Variants in ASAP1 observed in about 807,000 individuals in gnomAD.
The protein encoded by ASAP1 is ArfGAP with SH3 domain, ankyrin repeat and PH domain 1.
Under a neutral mutation model 145.2 loss-of-function variants are expected in ASAP1, and 43 were observed. The observed-to-expected ratio is 0.30, with a 90% CI of 0.23 to 0.38. ASAP1 has a LOEUF of 0.38. Ranked by LOEUF, ASAP1 falls within the 10% of genes least tolerant of loss-of-function variation. The pLI is 1.00. For missense variants in ASAP1, 1,018 were observed against 1,355.3 expected (o/e 0.75, Z 3.91); for synonymous variants, 546 against 515.5 (o/e 1.06, Z -0.80).
chr8:130,424,623 C>T (rs1829845078), intron 1 of ASAP1, among the ~76,000 whole-genome samples: 1 of 152,132 alleles, frequency 6.6e-6, no homozygotes, highest in Non-Finnish European at 1.5e-5. Context: ...GGACCAGGTG[C>T]ATTCATTCAT....
chr8:130,284,877 A>C (rs1472458207), intron 3 of ASAP1, among the ~76,000 whole-genome samples: 1 of 147,426 alleles, frequency 6.8e-6, no homozygotes, highest in Non-Finnish European at 1.5e-5. Context: ...ACACACACAC[A>C]CACCATACTG....
intron 28 of ASAP1, among the ~76,000 whole-genome samples, chr8:130,059,487 G>A (rs546112603): frequency 1.3e-5 from 2 of 152,068 alleles, no homozygotes; most frequent in African/African-American, 4.8e-5. Context: ...TTTTGAGACA[G>A]GGTCTTGCTC....
At chr8:130,207,185 T>C (rs1435403732) in intron 5 of ASAP1, among the ~76,000 whole-genome samples, 1 of 152,102 alleles carries the variant, frequency 6.6e-6, no homozygotes, top group East Asian at 1.9e-4. Flanking sequence ...AGGAATGGAA[T>C]CTATAAAGGC....
At chr8:130,142,008 G>A (rs556115695) in intron 13 of ASAP1, among the ~76,000 whole-genome samples, 4 of 152,188 alleles carry the variant, frequency 2.6e-5, no homozygotes, top group South Asian at 2.1e-4. Flanking sequence ...ATGTACCACC[G>A]TGCCCAGCCC....
At chr8:130,406,445 A>G (rs1483192631) in intron 1 of ASAP1, among the ~76,000 whole-genome samples, 1 of 151,294 alleles carries the variant, frequency 6.6e-6, no homozygotes, top group Admixed American at 6.6e-5. Context: ...TGAATCTTTG[A>G]TGAGTTATTT....
At chr8:130,210,752 A>T (rs1282690608) in intron 5 of ASAP1, among the ~76,000 whole-genome samples, 1 of 152,176 alleles carries the variant, frequency 6.6e-6, no homozygotes, top group African/African-American at 2.4e-5. Context: ...CCCTAATTGC[A>T]CCATTTTGCA....
At chr8:130,117,019 A>G (rs2097557361) in intron 20 of ASAP1, 24 bp from the exon 21 acceptor site, 1 of 1,532,136 alleles carries the variant, frequency 6.5e-7, no homozygotes, top group Non-Finnish European at 8.9e-7. Context: ...TGATGATTAG[A>G]AAAAAATGAC....
intron 1 of ASAP1, among the ~76,000 whole-genome samples, chr8:130,410,196 A>G (rs1829204946): frequency 6.6e-6 from 1 of 152,270 alleles, no homozygotes; most frequent in Non-Finnish European, 1.5e-5. Context: ...AGCAAAATAG[A>G]CGTGGTCTCT....
intron 1 of ASAP1, among the ~76,000 whole-genome samples, chr8:130,423,932 A>AAT (rs1358532783): frequency 6.6e-6 from 1 of 152,102 alleles, no homozygotes; most frequent in Non-Finnish European, 1.5e-5. Flanking sequence ...GGTGACTGCT[A>AAT]ATGAGTATGG....
At chr8:130,129,427 A>G (rs1192892283) in intron 15 of ASAP1, among the ~76,000 whole-genome samples, 6 of 152,252 alleles carry the variant, frequency 3.9e-5, no homozygotes, top group South Asian at 2.1e-4. Flanking sequence ...GTGCCTTTCT[A>G]TAATTTTTCA....
chr8:130,122,023 C>A (rs940968990), intron 18 of ASAP1, among the ~76,000 whole-genome samples: 1 of 152,050 alleles, frequency 6.6e-6, no homozygotes, highest in Non-Finnish European at 1.5e-5. Flanking sequence ...TGCCTTACTG[C>A]CCCTTGGGGC....
At chr8:130,271,235 C>A (rs1820566762) in intron 3 of ASAP1, among the ~76,000 whole-genome samples, 1 of 152,156 alleles carries the variant, frequency 6.6e-6, no homozygotes, top group Admixed American at 6.5e-5. Context: ...GCCTTAGACC[C>A]AGAGGAAAGG....
chr8:130,265,102 T>C (rs1476692217), intron 3 of ASAP1, among the ~76,000 whole-genome samples: 1 of 152,208 alleles, frequency 6.6e-6, no homozygotes, highest in East Asian at 1.9e-4. Flanking sequence ...AAAGGGCTGC[T>C]GGCAGCTTTA....
At chr8:130,092,626 A>G (rs191796562) in intron 24 of ASAP1, among the ~76,000 whole-genome samples, 8 of 152,284 alleles carry the variant, frequency 5.3e-5, no homozygotes. Flanking sequence ...AATTTACAAC[A>G]AAGGTAAGAA....
At chr8:130,332,605 T>A (rs890932249) in intron 3 of ASAP1, among the ~76,000 whole-genome samples, 3 of 152,200 alleles carry the variant, frequency 2.0e-5, no homozygotes, top group Non-Finnish European at 4.4e-5. Flanking sequence ...GCAAAACAAC[T>A]TTTCGTTTTC....
chr8:130,153,363 A>ATATG (rs2097651505), intron 12 of ASAP1, among the ~76,000 whole-genome samples: 1 of 87,206 alleles, frequency 1.1e-5, no homozygotes, highest in African/African-American at 4.5e-5. Context: ...ATATATGTAT[A>ATATG]TATATATATA....
chr8:130,226,513 T>C (rs1014107164), intron 4 of ASAP1, among the ~76,000 whole-genome samples: 1 of 152,208 alleles, frequency 6.6e-6, no homozygotes, highest in African/African-American at 2.4e-5. Flanking sequence ...ACTGCTTTCC[T>C]CCATGCCACT....
intron 27 of ASAP1, among the ~76,000 whole-genome samples, chr8:130,066,794 A>G (rs2135136123): frequency 6.6e-6 from 1 of 152,352 alleles, no homozygotes. Flanking sequence ...TCAGAGGGCC[A>G]TAAGAGTCCC....
chr8:130,055,917 A>T (rs1022348745), intron 29 of ASAP1, among the ~76,000 whole-genome samples: 4 of 152,144 alleles, frequency 2.6e-5, no homozygotes, highest in African/African-American at 9.7e-5. Context: ...GTCTTTGTGA[A>T]TTTCACATCA....
Sources: allele counts gnomAD v4.1 joint callset (sites outside exome capture counted in the v4.1 genomes callset), GRCh38; gene constraint gnomAD v4.1.1; transcripts MANE v1.5; gene names NCBI Gene and HGNC (gene_info 2026-07-23, HGNC 2026-07-21).